The following HHIP variants were observed in gnomAD, a reference collection of about 807,000 sequenced individuals.
HHIP encodes the protein hedgehog interacting protein.
Under a neutral mutation model 74.0 loss-of-function variants are expected in HHIP, and 12 were observed. The observed-to-expected ratio is 0.16, with a 90% CI of 0.10 to 0.26. HHIP has a LOEUF of 0.26. Ranked by LOEUF, HHIP falls within the 10% of genes least tolerant of loss-of-function variation. The probability of loss-of-function intolerance (pLI) is 1.00; values close to 1 mark genes in which losing one functional copy is unlikely to be tolerated. For missense variants in HHIP, 788 were observed against 845.0 expected, an observed-to-expected ratio of 0.93 and a Z score of 0.84; for synonymous variants, 309 against 311.6, an observed-to-expected ratio of 0.99 and a Z score of 0.09.
At chr4:144,716,854 G>GAAAAAAAAAAAAAAA (rs869028218) in intron 10 of HHIP, among the ~76,000 whole-genome samples, 3 of 54,656 alleles carry the variant, frequency 5.5e-5, no homozygotes, top group Admixed American at 2.8e-4. Context: ...CGTCTCAAAA[G>GAAAAAAAAAAAAAAA]AAAAAAAAAA....
At chr4:144,708,553 T>A (rs895881145) in intron 7 of HHIP, among the ~76,000 whole-genome samples, 10 of 152,086 alleles carry the variant, frequency 6.6e-5, no homozygotes, top group African/African-American at 2.4e-4. Context: ...ATGGAGAAAA[T>A]TTCACCTTAA....
intron 11 of HHIP, among the ~76,000 whole-genome samples, chr4:144,727,700 T>G (rs918055562): frequency 2.0e-5 from 3 of 152,232 alleles, no homozygotes; most frequent in Non-Finnish European, 2.9e-5. Flanking sequence ...ACATAACTTT[T>G]CATGTCCTGA....
intron 4 of HHIP, chr4:144,661,401 A>C (rs574271183): frequency 6.6e-6 from 1 of 152,308 alleles, no homozygotes; most frequent in Non-Finnish European, 1.5e-5. Flanking sequence ...TGGGGCCTAA[A>C]ATATACTTCA....
chr4:144,647,118 C>A (rs1449790533), intron 1 of HHIP, 164 bp downstream of exon 1: 10 of 585,106 alleles, frequency 1.7e-5, no homozygotes, highest in Non-Finnish European at 2.9e-5. Flanking sequence ...GTGTGTTCCT[C>A]TGGGGTAAGC....
rs1291906442 is a variant in HHIP at position 144,707,159 on chromosome 4, T to A, written c.1056T>A (p.His352Gln). The change falls in exon 6 of 13, where the codon CAT becomes CAA. Residue 352 changes from histidine (H) to glutamine (Q), a missense_variant. Physicochemically the swap from His to Gln is conservative, Grantham distance 24 (BLOSUM62 0). Around this residue, in one of 3 missense-constraint regions of HHIP, gnomAD observed 72 missense variants for 130.6 expected, o/e 0.55. Transcript: ENST00000296575. ...FLEVAELHRK[H>Q]LGGQLLFGPD... Reference sequence around the variant, plus strand: ...AAGTTGCAGAACTCCACAGAAAGCATCTGGGAGGACAACTGCTCTTTGGCC... The same window carrying A: ...AAGTTGCAGAACTCCACAGAAAGCAACTGGGAGGACAACTGCTCTTTGGCC... The A allele has an allele frequency of 2.5e-6, 4 of 1,613,926 alleles. No individual in the cohort carries two copies. The highest frequency in any genetic ancestry group is 3.4e-6 in the Non-Finnish European group (4 of 1,179,930).
chr4:144,705,681 G>T (rs1730114220), intron 4 of HHIP, among the ~76,000 whole-genome samples: 1 of 152,194 alleles, frequency 6.6e-6, no homozygotes, highest in Non-Finnish European at 1.5e-5. Context: ...AGAAAATGAA[G>T]ATAAAATGCC....
At chr4:144,671,225 CAA>C (rs762698181) in intron 4 of HHIP, among the ~76,000 whole-genome samples, 15 of 152,054 alleles carry the variant, frequency 9.9e-5, no homozygotes, top group Non-Finnish European at 2.1e-4. Context: ...CTTGCTGCAC[CAA>C]AATGCTTTAA....
intron 7 of HHIP, 52 bp downstream of exon 7, chr4:144,708,363 G>A (rs769592001): frequency 2.6e-5 from 41 of 1,588,002 alleles, no homozygotes; most frequent in Non-Finnish European, 3.2e-5. Context: ...GCGGGGATCC[G>A]AGAACTGGGA....
chr4:144,716,859 A>G (rs1730463826), intron 10 of HHIP, among the ~76,000 whole-genome samples: 2 of 117,446 alleles, frequency 1.7e-5, no homozygotes, highest in Admixed American at 1.0e-4. Flanking sequence ...CAAAAGAAAA[A>G]AAAAAAAAAA....
At chr4:144,675,289 G>C (rs1729142571) in intron 4 of HHIP, among the ~76,000 whole-genome samples, 1 of 152,094 alleles carries the variant, frequency 6.6e-6, no homozygotes, top group African/African-American at 2.4e-5. Flanking sequence ...AGAACAATTA[G>C]AGATGAATGA....
intron 4 of HHIP, among the ~76,000 whole-genome samples, chr4:144,684,654 G>A (rs886547221): frequency 1.3e-5 from 2 of 152,082 alleles, no homozygotes; most frequent in East Asian, 3.9e-4. Context: ...ATTCTAAAAA[G>A]TTTAGCATAT....
At chr4:144,660,996 T>A (rs1330623936) in intron 4 of HHIP, among the ~76,000 whole-genome samples, 1 of 152,226 alleles carries the variant, frequency 6.6e-6, no homozygotes, top group African/African-American at 2.4e-5. Context: ...ACAATAGTTT[T>A]CAAATGTGCT....
chr4:144,702,222 T>C (rs1227207023), intron 4 of HHIP, among the ~76,000 whole-genome samples: 2 of 152,188 alleles, frequency 1.3e-5, no homozygotes, highest in East Asian at 3.8e-4. Context: ...TTCAAATGGA[T>C]ACTTAATTAT....
At position 144,646,885 on chromosome 4, in the gene HHIP, T is replaced by C. The variant is rs147837662; in HGVS notation, c.210T>C (p.Gly70=). 2 of 1,614,144 alleles carry C rather than the reference T, an allele frequency of 1.2e-6. No homozygotes were observed. Among genetic ancestry groups the C allele is most frequent in the African/African-American group, 2.7e-5 (2 of 75,046 alleles). ...TGAGTGGGGGAGAGATGCTGTGCGG[T>C]GGCTTCTACCCTCGGCTGTCCTGCT... is the stretch of plus-strand genomic sequence containing the variant. The part of the protein sequence containing the change: ...ELLSGGEMLC[G]GFYPRLSCCL... The change falls in exon 1 of 13, where the codon GGT becomes GGC. Residue 70 remains glycine (G), a synonymous_variant. Coordinates refer to ENST00000296575, the MANE Select transcript of HHIP (RefSeq NM_022475.3).
At chr4:144,692,938 A>G (rs1277410130) in intron 4 of HHIP, among the ~76,000 whole-genome samples, 1 of 152,032 alleles carries the variant, frequency 6.6e-6, no homozygotes, top group Non-Finnish European at 1.5e-5. Context: ...CTGAGCCCAT[A>G]CTCTTAAACA....
chr4:144,664,930 A>C (rs930056279), intron 4 of HHIP, among the ~76,000 whole-genome samples: 1 of 152,252 alleles, frequency 6.6e-6, no homozygotes, highest in African/African-American at 2.4e-5. Flanking sequence ...ACTCATTAAA[A>C]AGTGGTAGAA....
At position 144,646,503 on chromosome 4, in the gene HHIP, T is replaced by C. The variant is rs202146465; in HGVS notation, c.-173T>C. ...ATTGGACCCATCGCCGCGTCTTTTA[T>C]TTTTTGCAAAGTTGCATCGCTGTAC... On this transcript the variant is annotated 5_prime_UTR_variant, in exon 1 of 13. Transcript: ENST00000296575. 2 of 620,818 alleles carry C rather than the reference T, an allele frequency of 3.2e-6. No homozygotes were observed. Among genetic ancestry groups the C allele is most frequent in the African/African-American group, 1.8e-5 (1 of 54,572 alleles). The allele number at this position is 620,818 out of a possible 1,614,324, so 38.5% of individuals were successfully genotyped here.
chr4:144,703,146 G>T (rs988179184), intron 4 of HHIP, among the ~76,000 whole-genome samples: 4 of 151,778 alleles, frequency 2.6e-5, no homozygotes, highest in Non-Finnish European at 4.4e-5. Flanking sequence ...CCCAGGAGAC[G>T]GAGATTGCAG....
Position 144,734,900 on chromosome 4 carries a change from C to T in HHIP, c.1909+11C>T, listed in dbSNP as rs1026505294. ...ACTTCTGCAGAACTGGTTAGTATTT[C>T]TGTTTTCACCTGAAAAGGACTGGGG... is the stretch of plus-strand genomic sequence containing the variant. On this transcript the variant is annotated intron_variant, in intron 12 of 12. Transcript: ENST00000296575. 7 of 1,592,594 alleles carry T rather than the reference C, an allele frequency of 4.4e-6. No homozygotes were observed. In the African/African-American group the frequency reaches 8.0e-5, roughly 18 times the overall value.
Sources: allele counts gnomAD v4.1 joint callset (sites outside exome capture counted in the v4.1 genomes callset), GRCh38; gene constraint gnomAD v4.1.1; regional missense constraint gnomAD v4.1.1; transcripts MANE v1.5; gene names NCBI Gene and HGNC (gene_info 2026-07-23, HGNC 2026-07-21).